Variants in UAP1L1 observed in about 807,000 individuals in gnomAD.
The protein encoded by UAP1L1 is UDP-N-acetylglucosamine pyrophosphorylase 1 like 1, also known as UDP-N-acetylhexosamine pyrophosphorylase-like protein 1.
A neutral mutation model predicts 45.3 loss-of-function variants in UAP1L1; 45 were observed. The ratio of observed to expected loss-of-function variants is 0.99; its 90% CI spans 0.78 to 1.27. UAP1L1 has a LOEUF of 1.27. Among genes scored for constraint, UAP1L1 ranks in the 50% most tolerant of loss-of-function variants. The probability of loss-of-function intolerance (pLI) is 0.00; values close to 1 mark genes in which losing one functional copy is unlikely to be tolerated. For synonymous variants in UAP1L1, 323 were observed against 303.9 expected, an observed-to-expected ratio of 1.06 and a Z score of -0.65; for missense variants, 667 against 694.0, an observed-to-expected ratio of 0.96 and a Z score of 0.44.
At chr9:137,079,676 G>A (rs1254670010) in intron 5 of UAP1L1, 6 of 593,018 alleles carry the variant, frequency 1.0e-5, no homozygotes, top group African/African-American at 1.9e-5. Flanking sequence ...GCTGCTGTAA[G>A]GCTCTGTGAT....
intron 7 of UAP1L1, among the ~76,000 whole-genome samples, chr9:137,081,375 TG>T (rs1832785738): frequency 6.7e-6 from 1 of 149,772 alleles, no homozygotes; most frequent in African/African-American, 2.5e-5. Context: ...CTCATTTTTT[TG>T]TATTTTTTTT....
intron 2 of UAP1L1, 64 bp from the exon 3 acceptor site, chr9:137,078,438 C>G (rs1422271240): frequency 6.2e-7 from 1 of 1,609,508 alleles, no homozygotes; most frequent in African/African-American, 1.3e-5. Context: ...CGGCTCTGGT[C>G]CGAGCCCCGT....
chr9:137,078,287 G>T (rs1588570668), intron 2 of UAP1L1, 33 bp downstream of exon 2: 1 of 1,518,340 alleles, frequency 6.6e-7, no homozygotes, highest in Middle Eastern at 1.7e-4. Context: ...CGGCCCGGAG[G>T]TACCCTTCCC....
rs1209907276 is a variant in UAP1L1 at position 137,080,057 on chromosome 9, G to A, written c.1093G>A (p.Asp365Asn). 1.2e-6 allele frequency: 2 copies of A among 1,614,184 alleles called. No homozygotes were observed. Among genetic ancestry groups the A allele is most frequent in the Admixed American group, 1.7e-5 (1 of 60,030 alleles). Residue 365 changes from aspartate (D) to asparagine (N), a missense_variant, in exon 6 of 9, where the codon GAT becomes AAT. Asp to Asn is a conservative substitution (Grantham distance 23). Transcript: ENST00000409858. ...HVAVKKVPYV[D>N]EEGNLVKPLK... ...GGCTGTGAAGAAGGTCCCGTATGTGGATGAGGAGGGGAATCTGGTAAAGCC... is the reference window on the plus strand; with the variant it reads ...GGCTGTGAAGAAGGTCCCGTATGTGAATGAGGAGGGGAATCTGGTAAAGCC...
intron 3 of UAP1L1, 50 bp from the exon 4 acceptor site, chr9:137,078,926 C>G: frequency 6.5e-7 from 1 of 1,540,568 alleles, no homozygotes; most frequent in Non-Finnish European, 8.7e-7. Flanking sequence ...ACTCCCAGAG[C>G]GATCCCTGGC....
In UAP1L1 at chr9:137,081,378, ATT is replaced by A. The variant is rs397736587; in HGVS notation, c.1364+518_1364+519del. 4.0e-3 allele frequency among the ~76,000 whole-genome samples: 458 copies of A among 115,422 alleles called. 2 individuals carry two copies. Among genetic ancestry groups the A allele is most frequent in the African/African-American group, 0.014 (434 of 31,210 alleles). 75.7% of individuals were successfully genotyped at this position (115,422 alleles called of 152,430 possible). On this transcript the variant is annotated intron_variant, in intron 7 of 8. Transcript: ENST00000409858. Reference sequence around the variant, plus strand: ...CACCACGCCCGGCTCATTTTTTTGTATTTTTTTTTTTTTTTAGTAGAGACAGG... The same window carrying A: ...CACCACGCCCGGCTCATTTTTTTGTATTTTTTTTTTTTTAGTAGAGACAGG...
chr9:137,079,356 C>T lies in UAP1L1; in HGVS notation c.944C>T (p.Ala315Val), dbSNP rs769132938. 3 of 1,613,004 alleles carry T rather than the reference C, an allele frequency of 1.9e-6. No homozygotes were observed. The highest frequency in any genetic ancestry group is 1.7e-5 in the Admixed American group (1 of 59,988). Residue 315 changes from alanine (A) to valine (V), a missense_variant, in exon 5 of 9, where the codon GCA becomes GTA. By Grantham distance (64) the Ala-to-Val change is moderately conservative. Coordinates refer to ENST00000409858, the MANE Select transcript of UAP1L1 (RefSeq NM_207309.3). ...VEYSEISPET[A>V]QLRASDGSLL... is the part of the protein sequence containing the mutation. The stretch of plus-strand genomic sequence containing the variant: ...TACAGCGAGATCAGTCCTGAGACCG[C>T]ACAGCTACGTGCCTCCGACGGGAGC...
Position 137,077,580 on chromosome 9 carries a change from G to A in UAP1L1, c.48G>A (p.Gln16=). ...DVRARLQRAG[Q]EHLLRFWAEL... The stretch of plus-strand genomic sequence containing the variant: ...GCGCCCGGCTGCAGCGCGCTGGCCA[G>A]GAGCACCTCCTGCGCTTCTGGGCCG... The change falls in exon 1 of 9, where the codon CAG becomes CAA. Residue 16 remains glutamine, a synonymous_variant. Transcript: ENST00000409858. The surrounding 1 kb of genome is among the most constrained non-coding windows in gnomAD (Gnocchi z 4.7). 1 of 1,395,746 alleles carries A rather than the reference G, an allele frequency of 7.2e-7. No homozygotes were observed. The highest frequency in any genetic ancestry group is 9.4e-7 in the Non-Finnish European group (1 of 1,068,354). 86.5% of individuals were successfully genotyped at this position (1,395,746 alleles called of 1,614,324 possible). A position where few individuals can be genotyped will look rare whatever the true frequency, so the allele number is the denominator to read the frequency against.
Position 137,080,673 on chromosome 9 carries a change from GC to G in UAP1L1, c.1179-13del. On this transcript the variant is annotated splice_polypyrimidine_tract_variant and intron_variant, in intron 6 of 8. Transcript: ENST00000409858. ...CTCTGTGCTGGGACGTGGGTGACTA[GC>G]CCTTTCCCCACCAGGAACTTTGCTG... 6.2e-7 allele frequency: 1 copy of G among 1,601,530 alleles called. No individual in the cohort carries two copies. The highest frequency in any genetic ancestry group is 2.2e-5 in the East Asian group (1 of 44,730).
At position 137,082,121 on chromosome 9, in the gene UAP1L1, C is replaced by T. The variant is rs1832796915; in HGVS notation, c.1431+57C>T. On this transcript the variant is annotated intron_variant, in intron 8 of 8. Transcript: ENST00000409858. The surrounding 1 kb of genome is among the most constrained non-coding windows in gnomAD (Gnocchi z 5.7). ...TCTGGTGTCAGGTTTGGAATACCAT[C>T]TGGGGAGAGGTGGCTGCTCGGGTGG... The T allele has an allele frequency of 6.4e-7, 1 of 1,563,492 alleles. No individual in the cohort carries two copies. Among genetic ancestry groups the T allele is most frequent in the East Asian group, 2.2e-5 (1 of 44,646 alleles).
intron 4 of UAP1L1, 29 bp downstream of exon 4, chr9:137,079,177 A>C (rs7390710): frequency 0.66 from 1,057,737 of 1,593,738 alleles, 359,865 homozygotes; most frequent in Non-Finnish European, 0.7. Flanking sequence ...GGCGCCCCGC[A>C]CCCGAGGCTG....
At position 137,080,703 on chromosome 9, in the gene UAP1L1, T is replaced by C; in HGVS notation, c.1193T>C (p.Leu398Ser). The stretch of plus-strand genomic sequence containing the variant: ...TTCCCCACCAGGAACTTTGCTGCCT[T>C]GGAAGTGCTGCGGGAGGAGGAATTT... ...VFRFAKNFAA[L>S]EVLREEEFSP... The change falls in exon 7 of 9, where the codon TTG becomes TCG. Residue 398 changes from leucine (L) to serine (S), a missense_variant. By Grantham distance (145) the Leu-to-Ser change is moderately radical. Transcript: ENST00000409858. The C allele has an allele frequency of 6.2e-7, 1 of 1,611,652 alleles. No individual in the cohort carries two copies. Among genetic ancestry groups the C allele is most frequent in the Non-Finnish European group, 8.5e-7 (1 of 1,179,252 alleles).
At chr9:137,078,933 T>A in intron 3 of UAP1L1, 43 bp from the exon 4 acceptor site, 1 of 1,549,388 alleles carries the variant, frequency 6.5e-7, no homozygotes, top group South Asian at 1.3e-5. Flanking sequence ...GAGCGATCCC[T>A]GGCGGGAGCC....
chr9:137,083,009 GGTCTA>G lies in UAP1L1; in HGVS notation c.*284_*288del. ...TCTGTGGCTCCATTCCTGGCTGTGG[GGTCTA>G]GTCAAGAGGCAGAGGGACTTGGGAC... On this transcript the variant is annotated 3_prime_UTR_variant, in exon 9 of 9. Transcript: ENST00000409858. The G allele has an allele frequency of 2.3e-6, 1 of 434,502 alleles. No homozygotes were observed. The highest frequency in any genetic ancestry group is 4.0e-5 in the East Asian group (1 of 25,018). The allele number at this position is 434,502 out of a possible 1,614,324, so 26.9% of individuals were successfully genotyped here. A position where few individuals can be genotyped will look rare whatever the true frequency, so the allele number is the denominator to read the frequency against.
intron 6 of UAP1L1, 106 bp from the exon 7 acceptor site, chr9:137,080,583 A>T: frequency 8.5e-7 from 1 of 1,182,774 alleles, no homozygotes; most frequent in Non-Finnish European, 1.2e-6. Context: ...CTTGCTGCCC[A>T]TGGGACCAGA....
At chr9:137,081,649 C>T (rs1417723547) in intron 7 of UAP1L1, among the ~76,000 whole-genome samples, 1 of 152,138 alleles carries the variant, frequency 6.6e-6, no homozygotes, top group East Asian at 1.9e-4. Context: ...TGAAACTGAG[C>T]CCCGGGCATG....
chr9:137,079,228 C>T (rs375089698), intron 4 of UAP1L1, 28 bp from the exon 5 acceptor site: 263 of 1,603,316 alleles, frequency 1.6e-4, no homozygotes, highest in Non-Finnish European at 2.0e-4. Flanking sequence ...GCCCAGCCCT[C>T]GGAACCCATC....
At position 137,082,549 on chromosome 9, in the gene UAP1L1, C is replaced by A; in HGVS notation, c.1432-88C>A. ...GACTCCAGGCAGACCTGGGATCGCA[C>A]CTGGGGACTGTGGCTCTTGGTGTGG... is the stretch of plus-strand genomic sequence containing the variant. On this transcript the variant is annotated intron_variant, in intron 8 of 8. Coordinates refer to ENST00000409858, the MANE Select transcript of UAP1L1 (RefSeq NM_207309.3). The surrounding 1 kb of genome is among the most constrained non-coding windows in gnomAD (Gnocchi z 5.7). 1 of 1,125,294 alleles carries A rather than the reference C, an allele frequency of 8.9e-7. No homozygotes were observed. Among genetic ancestry groups the A allele is most frequent in the Non-Finnish European group, 1.3e-6 (1 of 766,958 alleles). 69.7% of individuals were successfully genotyped at this position (1,125,294 alleles called of 1,614,324 possible).
In UAP1L1 at chr9:137,078,982, ACGGGGGCCT is replaced by A. The variant is rs764114105; in HGVS notation, c.679_687del (p.Gly227_Leu229del). On this transcript the variant is annotated inframe_deletion, in exon 4 of 9. Coordinates refer to ENST00000409858, the MANE Select transcript of UAP1L1 (RefSeq NM_207309.3). ...TTCCCTTCTCCGTCTGCAGACGGCA[ACGGGGGCCT>A]CTACTGCGCGCTGGAGGACCACAAG... 2 of 1,587,346 alleles carry A rather than the reference ACGGGGGCCT, an allele frequency of 1.3e-6. No homozygotes were observed. Among genetic ancestry groups the A allele is most frequent in the South Asian group, 2.3e-5 (2 of 87,072 alleles).
Sources: allele counts gnomAD v4.1 joint callset (sites outside exome capture counted in the v4.1 genomes callset), GRCh38; gene constraint gnomAD v4.1.1; non-coding constraint Gnocchi (gnomAD v3.1); transcripts MANE v1.5; gene names NCBI Gene and HGNC (gene_info 2026-07-23, HGNC 2026-07-21).